The following SLC35F4 variants were observed in gnomAD, a reference collection of about 807,000 sequenced individuals.
SLC35F4 encodes the protein solute carrier family 35 member F4, also known as chromosome 14 open reading frame 36.
A neutral mutation model predicts 44.2 loss-of-function variants in SLC35F4; 24 were observed. The ratio of observed to expected loss-of-function variants is 0.54; its 90% CI spans 0.39 to 0.76. SLC35F4 has a LOEUF of 0.76. Ranked by LOEUF, SLC35F4 falls within the 30% of genes least tolerant of loss-of-function variation. SLC35F4 has a pLI of 0.00. For missense variants in SLC35F4, 562 were observed against 586.1 expected, an observed-to-expected ratio of 0.96 and a Z score of 0.42; for synonymous variants, 238 against 223.6, an observed-to-expected ratio of 1.06 and a Z score of -0.57.
chr14:57,662,554 C>A (rs1481809967), intron 1 of SLC35F4, among the ~76,000 whole-genome samples: 1 of 152,128 alleles, frequency 6.6e-6, no homozygotes, highest in Non-Finnish European at 1.5e-5. Flanking sequence ...TTCCCTTTGG[C>A]TTCTTTGTCA....
intron 1 of SLC35F4, among the ~76,000 whole-genome samples, chr14:57,913,537 T>C (rs970487702): frequency 2.6e-5 from 4 of 152,146 alleles, no homozygotes; most frequent in African/African-American, 7.2e-5. Context: ...TTTACAGGTT[T>C]AGTATTTGAG....
At chr14:57,819,017 C>A (rs1006567723) in intron 1 of SLC35F4, among the ~76,000 whole-genome samples, 2 of 152,182 alleles carry the variant, frequency 1.3e-5, no homozygotes. Flanking sequence ...TAATATCCTG[C>A]AGACATCCTA....
At chr14:57,828,086 C>T (rs1250613103) in intron 1 of SLC35F4, among the ~76,000 whole-genome samples, 1 of 152,112 alleles carries the variant, frequency 6.6e-6, no homozygotes, top group African/African-American at 2.4e-5. Context: ...TATAGCTGCT[C>T]ACCAACAAGC....
At chr14:57,876,910 A>G (rs987092809) in intron 1 of SLC35F4, among the ~76,000 whole-genome samples, 1 of 152,192 alleles carries the variant, frequency 6.6e-6, no homozygotes, top group Non-Finnish European at 1.5e-5. Flanking sequence ...ACTGGTAAAT[A>G]GCAGCAAATC....
At chr14:57,589,171 A>AAAC (rs776055992) in intron 3 of SLC35F4, 45 bp downstream of exon 3, 1 of 1,531,766 alleles carries the variant, frequency 6.5e-7, no homozygotes, top group Non-Finnish European at 8.8e-7. Context: ...TATTTTCATA[A>AAAC]AACATTTCAA....
intron 1 of SLC35F4, among the ~76,000 whole-genome samples, chr14:57,708,477 A>C (rs1281182222): frequency 6.6e-6 from 1 of 152,204 alleles, no homozygotes; most frequent in Non-Finnish European, 1.5e-5. Context: ...TCTAGGTAGC[A>C]GACAAGGTGA....
chr14:57,951,734 G>C (rs1045355023), intron 1 of SLC35F4, among the ~76,000 whole-genome samples: 1 of 152,334 alleles, frequency 6.6e-6, no homozygotes, highest in African/African-American at 2.4e-5. Context: ...TGCCTCTCTA[G>C]ATTTCTCCTT....
intron 1 of SLC35F4, among the ~76,000 whole-genome samples, chr14:57,738,748 CATATATAT>C (rs36212594): frequency 0.041 from 4,503 of 110,036 alleles, 148 homozygotes; most frequent in African/African-American, 0.076. Context: ...TTTGAATTTT[CATATATAT>C]ATATATATAT....
intron 1 of SLC35F4, among the ~76,000 whole-genome samples, chr14:57,940,468 G>C (rs1889897456): frequency 6.6e-6 from 1 of 151,990 alleles, no homozygotes; most frequent in Non-Finnish European, 1.5e-5. Flanking sequence ...TTTTCTCAAA[G>C]CACTTTTGCC....
At chr14:57,786,169 G>A (rs2077752309) in intron 1 of SLC35F4, among the ~76,000 whole-genome samples, 1 of 152,090 alleles carries the variant, frequency 6.6e-6, no homozygotes, top group Non-Finnish European at 1.5e-5. Context: ...CTGACAACCT[G>A]CATGACTCAG....
intron 1 of SLC35F4, among the ~76,000 whole-genome samples, chr14:57,961,111 G>A (rs575725255): frequency 2.0e-5 from 3 of 152,226 alleles, no homozygotes; most frequent in Non-Finnish European, 4.4e-5. Flanking sequence ...CCCATGCTGC[G>A]ACGGAGAGAC....
chr14:57,919,784 T>C (rs147011646), intron 1 of SLC35F4, among the ~76,000 whole-genome samples: 18 of 152,272 alleles, frequency 1.2e-4, no homozygotes, highest in East Asian at 1.2e-3. Flanking sequence ...TGGAGGGTCA[T>C]GGAAGGCTGA....
At chr14:57,972,338 G>A (rs1267496734), downstream of SLC35F4, among the ~76,000 whole-genome samples, 1 of 152,166 alleles carries the variant, frequency 6.6e-6, no homozygotes, top group African/African-American at 2.4e-5. Flanking sequence ...AGCAGAAGCA[G>A]GGAGCTCAGT....
rs190082586 is a variant in SLC35F4, at chr14:57,926,188, T to C, written n.282+55725A>G. 2.0e-4 allele frequency among the ~76,000 whole-genome samples: 31 copies of C among 152,322 alleles called. No homozygotes were observed. In the East Asian group the frequency reaches 3.7e-3, roughly 18 times the overall value. ...ACAGGCCAGCTACCATTTTTACAAATAAACCGTAAAGCCCTGGAGGCAGAG... is the reference window on the plus strand; with the variant it reads ...ACAGGCCAGCTACCATTTTTACAAACAAACCGTAAAGCCCTGGAGGCAGAG... On this transcript the variant is annotated intron_variant and non_coding_transcript_variant, in intron 1 of 1. Transcript: ENST00000556568.
chr14:57,824,270 T>C (rs543339647), intron 1 of SLC35F4, among the ~76,000 whole-genome samples: 1 of 152,244 alleles, frequency 6.6e-6, no homozygotes, highest in East Asian at 1.9e-4. Flanking sequence ...ATTCATTCAG[T>C]ATTTAATCGA....
chr14:57,907,330 G>T (rs970945329), intron 1 of SLC35F4, among the ~76,000 whole-genome samples: 1 of 152,098 alleles, frequency 6.6e-6, no homozygotes, highest in Non-Finnish European at 1.5e-5. Context: ...AATCTGTGTG[G>T]CTCACTTCAT....
chr14:57,899,549 T>C (rs549216678), intron 1 of SLC35F4, among the ~76,000 whole-genome samples: 1 of 152,336 alleles, frequency 6.6e-6, no homozygotes, highest in East Asian at 1.9e-4. Flanking sequence ...TTCCAAATCA[T>C]TTAACTTCAG....
intron 1 of SLC35F4, among the ~76,000 whole-genome samples, chr14:57,849,774 T>C (rs566210256): frequency 6.6e-4 from 101 of 152,284 alleles, no homozygotes; most frequent in Non-Finnish European, 1.1e-3. Context: ...CATCAGCCAT[T>C]ACATCAGAAA....
intron 1 of SLC35F4, among the ~76,000 whole-genome samples, chr14:57,788,813 G>T (rs1420523102): frequency 6.6e-6 from 1 of 151,904 alleles, no homozygotes; most frequent in African/African-American, 2.4e-5. Flanking sequence ...AAAACAGTCT[G>T]TCAGACCACA....
Sources: gnomAD v4.1 joint callset for allele counts (sites outside exome capture counted in the v4.1 genomes callset) on GRCh38, gnomAD v4.1.1 for gene constraint, MANE v1.5 for transcripts, NCBI Gene and HGNC (gene_info 2026-07-23, HGNC 2026-07-21) for gene names.